Variants in GLI3 observed in about 807,000 individuals in gnomAD.
The protein encoded by GLI3 is GLI family zinc finger 3, also known as transcription activator GLI3.
In GLI3, 20 loss-of-function variants were observed where a neutral mutation model predicts 100.8. That is an observed-to-expected ratio of 0.20 (90% CI 0.14 to 0.29). GLI3 has a LOEUF of 0.29. GLI3 is among the 10% of genes least tolerant of loss of function. GLI3 has a pLI of 1.00. For synonymous variants in GLI3, 938 were observed against 860.5 expected (o/e 1.09, Z -1.58); for missense variants, 2,040 against 2,128.5 (o/e 0.96, Z 0.82).
At position 42,206,681 on chromosome 7, in the gene GLI3, T is replaced by C. The variant is rs193290975; in HGVS notation, c.124+16449A>G. 5.9e-5 allele frequency among the ~76,000 whole-genome samples: 9 copies of C among 152,314 alleles called. No homozygotes were observed. In the East Asian group the frequency reaches 1.7e-3, roughly 29 times the overall value. ...GAAGAATAATAAGAGATAATGTGCA[T>C]TATCAGATAAAATGTACTCTGTGTA... On this transcript the variant is annotated intron_variant, in intron 2 of 14. Coordinates refer to ENST00000395925, the MANE Select transcript of GLI3 (RefSeq NM_000168.6).
At chr7:42,229,622 C>G (rs1788655159) in intron 1 of GLI3, among the ~76,000 whole-genome samples, 1 of 152,174 alleles carries the variant, frequency 6.6e-6, no homozygotes, top group African/African-American at 2.4e-5. Flanking sequence ...TGACATTGCT[C>G]TCATACTTAT....
At chr7:42,187,803 G>C (rs1000113432) in intron 2 of GLI3, among the ~76,000 whole-genome samples, 2 of 151,916 alleles carry the variant, frequency 1.3e-5, no homozygotes, top group Admixed American at 6.6e-5. Context: ...AGGAGATCCA[G>C]ACCATCCTGA....
At position 41,962,033 on chromosome 7, in the gene GLI3, A is replaced by G. The variant is rs1455293466; in HGVS notation, c.*2297T>C. On this transcript the variant is annotated 3_prime_UTR_variant, in exon 15 of 15. Coordinates refer to ENST00000395925, the MANE Select transcript of GLI3 (RefSeq NM_000168.6). ...CCAGAAAATAACCTGAAACCATAGG[A>G]AAGAGCAGAAGCACAAGACAACAAC... The G allele has an allele frequency of 6.6e-6, 1 of 152,232 alleles. No individual in the cohort carries two copies. The highest frequency in any genetic ancestry group is 1.5e-5 in the Non-Finnish European group (1 of 68,040). 9.4% of individuals were successfully genotyped at this position (152,232 alleles called of 1,614,324 possible).
At chr7:42,182,683 C>CGTGTGTGTGTGTATATATATATATAT (rs1562775920) in intron 2 of GLI3, among the ~76,000 whole-genome samples, 3 of 54,894 alleles carry the variant, frequency 5.5e-5, no homozygotes, top group Non-Finnish European at 1.0e-4. Context: ...TATATATATA[C>CGTGTGTGTGTGTATATATATATATAT]ACATGTGTGT....
rs148660482 is a variant in GLI3 at position 42,048,690 on chromosome 7, G to A, written c.480C>T (p.Ser160=). 170 of 1,607,276 alleles carry A rather than the reference G, an allele frequency of 1.1e-4. No homozygotes were observed. The highest frequency in any genetic ancestry group is 1.3e-4 in the Non-Finnish European group (155 of 1,176,594). ...GATACGTAGGGCTACTAGATAAGGC[G>A]GAAGTCCTGGGTACAAAGAAAACCA... ...PSPIPPLHMT[S]ALSSSPTYPD... is the part of the protein sequence containing the mutation. The change falls in exon 5 of 15, where the codon TCC becomes TCT. Residue 160 remains serine, a synonymous_variant. Transcript: ENST00000395925.
intron 3 of GLI3, among the ~76,000 whole-genome samples, chr7:42,108,689 A>G (rs1353099703): frequency 1.3e-5 from 2 of 152,146 alleles, no homozygotes; most frequent in Admixed American, 6.5e-5. Context: ...TCTTTAGCAT[A>G]AGCCACACAC....
intron 10 of GLI3, among the ~76,000 whole-genome samples, chr7:42,001,672 C>T (rs1358886389): frequency 6.6e-6 from 1 of 152,054 alleles, no homozygotes; most frequent in African/African-American, 2.4e-5. Flanking sequence ...CATGAGGGAA[C>T]CCAGCGTTGA....
chr7:42,132,364 T>A lies in GLI3; in HGVS notation c.367+15862A>T, dbSNP rs955184469. Among the ~76,000 whole-genome samples the A allele has an allele frequency of 1.1e-4, 17 of 152,208 alleles. 1 individual carries two copies. In the East Asian group the frequency reaches 1.7e-3, roughly 16 times the overall value. ...ATCCGCCCGCCTTGACCTCCCAAAGTGCTGGGATTACAGGCGTGAGCCACC... is the reference window on the plus strand; with the variant it reads ...ATCCGCCCGCCTTGACCTCCCAAAGAGCTGGGATTACAGGCGTGAGCCACC... On this transcript the variant is annotated intron_variant, in intron 3 of 14. Transcript: ENST00000395925.
chr7:42,259,723 C>T (rs1486447868), intron 1 of GLI3, among the ~76,000 whole-genome samples: 2 of 152,154 alleles, frequency 1.3e-5, no homozygotes, highest in African/African-American at 4.8e-5. Context: ...CTTGCATTTT[C>T]CTGCAGTCAG....
chr7:42,223,071 A>C (rs1788518070), intron 2 of GLI3, 59 bp downstream of exon 2: 1 of 1,601,434 alleles, frequency 6.2e-7, no homozygotes, highest in African/African-American at 1.3e-5. Flanking sequence ...TTCACAAGGA[A>C]TGCAGAGAAC....
At chr7:42,044,739 A>G (rs1784211164) in intron 6 of GLI3, among the ~76,000 whole-genome samples, 1 of 152,212 alleles carries the variant, frequency 6.6e-6, no homozygotes, top group Non-Finnish European at 1.5e-5. Context: ...CATTTAAGGC[A>G]AAAATGTAAA....
chr7:42,150,403 G>C (rs1786826870), intron 2 of GLI3, among the ~76,000 whole-genome samples: 1 of 152,196 alleles, frequency 6.6e-6, no homozygotes, highest in Non-Finnish European at 1.5e-5. Flanking sequence ...GAATTTTGCA[G>C]TTACGTAAAA....
At chr7:42,043,075 C>T (rs1784176600) in intron 6 of GLI3, among the ~76,000 whole-genome samples, 2 of 152,084 alleles carry the variant, frequency 1.3e-5, no homozygotes, top group Non-Finnish European at 1.5e-5. Flanking sequence ...ATTAAGAAGT[C>T]CTAAATATCT....
At chr7:42,259,455 T>G (rs1017820501) in intron 1 of GLI3, among the ~76,000 whole-genome samples, 7 of 152,226 alleles carry the variant, frequency 4.6e-5, no homozygotes, top group Non-Finnish European at 1.0e-4. Context: ...TTTCTTAATC[T>G]GTAAAACAAA....
intron 3 of GLI3, among the ~76,000 whole-genome samples, chr7:42,136,991 A>C (rs962903743): frequency 2.0e-5 from 3 of 152,220 alleles, no homozygotes; most frequent in African/African-American, 7.2e-5. Context: ...GGAGCCAATA[A>C]ACCGGGTTCA....
Position 42,023,430 on chromosome 7 carries a change from G to A in GLI3, c.1497+38C>T, listed in dbSNP as rs767484433. 5 of 1,611,368 alleles carry A rather than the reference G, an allele frequency of 3.1e-6. No individual in the cohort carries two copies. The South Asian group carries it at 5.5e-5, about 18-fold the overall frequency. On this transcript the variant is annotated intron_variant, in intron 10 of 14. Coordinates refer to ENST00000395925, the MANE Select transcript of GLI3 (RefSeq NM_000168.6). Reference sequence around the variant, plus strand: ...GCTGACCTCCCTGGAAAGTGTCACAGAGCTGTAAAGCTCGGTTCCTGAATA... The same window carrying A: ...GCTGACCTCCCTGGAAAGTGTCACAAAGCTGTAAAGCTCGGTTCCTGAATA...
At chr7:42,047,805 G>T (rs950071321) in intron 5 of GLI3, among the ~76,000 whole-genome samples, 1 of 152,096 alleles carries the variant, frequency 6.6e-6, no homozygotes, top group East Asian at 1.9e-4. Context: ...TTTTCATGTG[G>T]CATGGTCAAG....
intron 2 of GLI3, chr7:42,150,041 CA>C (rs566405546): frequency 3.9e-5 from 6 of 152,280 alleles, no homozygotes; most frequent in African/African-American, 1.4e-4. Flanking sequence ...ACTTGCAGAA[CA>C]GAAAAGACAA....
At chr7:42,148,159 ACAC>A in intron 3 of GLI3, 64 bp downstream of exon 3, 1 of 1,508,104 alleles carries the variant, frequency 6.6e-7, no homozygotes. Flanking sequence ...ACACACACAC[ACAC>A]ACACACACAC....
Sources: gnomAD v4.1 joint callset for allele counts (sites outside exome capture counted in the v4.1 genomes callset) on GRCh38, gnomAD v4.1.1 for gene constraint, MANE v1.5 for transcripts, NCBI Gene and HGNC (gene_info 2026-07-23, HGNC 2026-07-21) for gene names.